Variants in CDK14 observed in about 807,000 individuals in gnomAD.
The protein encoded by CDK14 is cyclin dependent kinase 14.
CDK14 carries 34 observed loss-of-function variants against 60.7 expected under a neutral mutation model. That is an observed-to-expected ratio of 0.56 (90% CI 0.43 to 0.75). The LOEUF is 0.75. CDK14 is among the 30% of genes least tolerant of loss of function. The probability of loss-of-function intolerance (pLI) is 0.00; values close to 1 mark genes in which losing one functional copy is unlikely to be tolerated. For synonymous variants in CDK14, 197 were observed against 203.7 expected (o/e 0.97, Z 0.28); for missense variants, 482 against 564.1 (o/e 0.85, Z 1.47).
At chr7:90,624,567 AG>A (rs1157505667) in intron 2 of CDK14, among the ~76,000 whole-genome samples, 1 of 152,220 alleles carries the variant, frequency 6.6e-6, no homozygotes, top group Non-Finnish European at 1.5e-5. Context: ...TTTGGCTAAG[AG>A]GAAAGAGAGA....
chr7:91,012,463 A>G (rs921011487), intron 10 of CDK14, among the ~76,000 whole-genome samples: 1 of 152,168 alleles, frequency 6.6e-6, no homozygotes, highest in African/African-American at 2.4e-5. Flanking sequence ...TGCATATTAT[A>G]GTAGCCTTAG....
intron 3 of CDK14, among the ~76,000 whole-genome samples, chr7:90,745,088 TAAG>T (rs1261030730): frequency 3.3e-5 from 5 of 152,236 alleles, no homozygotes; most frequent in African/African-American, 1.2e-4. Context: ...TTTTAAAGGT[TAAG>T]AAACATCCTA....
intron 8 of CDK14, among the ~76,000 whole-genome samples, chr7:90,935,530 G>A (rs1162854823): frequency 6.6e-6 from 1 of 152,122 alleles, no homozygotes; most frequent in East Asian, 1.9e-4. Flanking sequence ...TATTAACAAA[G>A]AGAACTCTTG....
At chr7:90,903,837 G>T (rs7795001) in intron 7 of CDK14, among the ~76,000 whole-genome samples, 150,575 of 152,256 alleles carry the variant, frequency 0.99, 74,470 homozygotes, top group East Asian at 1. Flanking sequence ...TGTACAAATA[G>T]TATGTATTAA....
intron 14 of CDK14, among the ~76,000 whole-genome samples, chr7:91,174,701 G>T (rs1330762036): frequency 7.6e-6 from 1 of 131,592 alleles, no homozygotes; most frequent in East Asian, 2.1e-4. Context: ...GGAAGAAAGG[G>T]TATCAGCAAT....
chr7:90,828,570 A>C (rs975813899), intron 5 of CDK14, among the ~76,000 whole-genome samples: 1 of 151,920 alleles, frequency 6.6e-6, no homozygotes, highest in Non-Finnish European at 1.5e-5. Flanking sequence ...TTTGAAATCT[A>C]ATATTACCGA....
chr7:90,746,219 C>G (rs1803584312), intron 3 of CDK14, among the ~76,000 whole-genome samples: 1 of 152,160 alleles, frequency 6.6e-6, no homozygotes, highest in South Asian at 2.1e-4. Context: ...TATTGGCACT[C>G]TTTTTTGTTT....
In CDK14 at chr7:90,868,291, C is replaced by CTA. The variant is rs1441490069; in HGVS notation, c.639+5033_639+5034dup. ...TTACATATATATGTATATATACACA[C>CTA]TATATATATATACACACACACACAC... On this transcript the variant is annotated intron_variant, in intron 6 of 14. Transcript: ENST00000380050. Among the ~76,000 whole-genome samples the CTA allele has an allele frequency of 1.8e-3, 251 of 141,764 alleles. 1 individual carries two copies. The highest frequency in any genetic ancestry group is 5.4e-3 in the African/African-American group (212 of 39,336). 93.0% of individuals were successfully genotyped at this position (141,764 alleles called of 152,430 possible). A position where few individuals can be genotyped will look rare whatever the true frequency, so the allele number is the denominator to read the frequency against.
chr7:91,066,851 C>G (rs1457005121), intron 11 of CDK14, among the ~76,000 whole-genome samples: 1 of 152,208 alleles, frequency 6.6e-6, no homozygotes, highest in African/African-American at 2.4e-5. Flanking sequence ...CCTACCTGAT[C>G]TCCTGCTGTG....
chr7:90,618,023 T>C (rs1799689276), intron 2 of CDK14, among the ~76,000 whole-genome samples: 1 of 152,154 alleles, frequency 6.6e-6, no homozygotes, highest in South Asian at 2.1e-4. Flanking sequence ...GCAAGGCAAA[T>C]GGTTAGTATT....
chr7:90,906,163 TGAA>T (rs1562822475), intron 7 of CDK14, among the ~76,000 whole-genome samples: 1 of 152,160 alleles, frequency 6.6e-6, no homozygotes, highest in African/African-American at 2.4e-5. Flanking sequence ...AATATAAAAA[TGAA>T]GAACATAAAA....
chr7:91,150,525 C>T (rs1027966849), intron 14 of CDK14, among the ~76,000 whole-genome samples: 2 of 152,062 alleles, frequency 1.3e-5, no homozygotes, highest in Non-Finnish European at 2.9e-5. Flanking sequence ...TTCACACACA[C>T]CCAAACATAT....
At position 90,636,012 on chromosome 7, in the gene CDK14, T is replaced by C. The variant is rs547085402; in HGVS notation, c.123+31763T>C. ...ATCCTGAGACTTTGCTGAAGTTGCT[T>C]ATCAGCTTAAGGAGATTTTGGGCTG... On this transcript the variant is annotated intron_variant, in intron 2 of 14. Transcript: ENST00000380050. Among the ~76,000 whole-genome samples, 13 of 151,720 alleles carry C rather than the reference T, an allele frequency of 8.6e-5. No individual in the cohort carries two copies. The South Asian group carries it at 1.9e-3, about 22-fold the overall frequency.
At chr7:90,877,298 T>G (rs1791594590) in intron 6 of CDK14, among the ~76,000 whole-genome samples, 1 of 152,256 alleles carries the variant, frequency 6.6e-6, no homozygotes, top group Non-Finnish European at 1.5e-5. Flanking sequence ...TGAACTTCAG[T>G]GTTCTGAGTT....
intron 2 of CDK14, among the ~76,000 whole-genome samples, chr7:90,664,055 C>T (rs1800920678): frequency 6.6e-6 from 1 of 152,014 alleles, no homozygotes; most frequent in African/African-American, 2.4e-5. Context: ...TGACAAAGGG[C>T]TAATATCCAG....
At chr7:91,156,133 G>T (rs183674974) in intron 14 of CDK14, among the ~76,000 whole-genome samples, 1 of 152,106 alleles carries the variant, frequency 6.6e-6, no homozygotes, top group Non-Finnish European at 1.5e-5. Flanking sequence ...GGAATAGGCC[G>T]CCAGACCTCT....
intron 10 of CDK14, among the ~76,000 whole-genome samples, chr7:91,002,411 C>T (rs935618173): frequency 6.6e-6 from 1 of 151,840 alleles, no homozygotes; most frequent in Non-Finnish European, 1.5e-5. Flanking sequence ...AATGTATTAC[C>T]TCCATTAAAA....
chr7:90,699,616 T>G (rs1801740484), intron 2 of CDK14, among the ~76,000 whole-genome samples: 1 of 152,226 alleles, frequency 6.6e-6, no homozygotes, highest in African/African-American at 2.4e-5. Flanking sequence ...TCTGTGATGT[T>G]TTCTCTTTCC....
rs1317266454 is a variant in CDK14, at chr7:90,892,026, A to G, written c.640-7265A>G. Among the ~76,000 whole-genome samples, 3 of 152,228 alleles carry G rather than the reference A, an allele frequency of 2.0e-5. No homozygotes were observed. The East Asian group carries it at 5.8e-4, about 29-fold the overall frequency. On this transcript the variant is annotated intron_variant, in intron 6 of 14. Coordinates refer to ENST00000380050, the MANE Select transcript of CDK14 (RefSeq NM_001287135.2). ...AAGAGAAACATAAGCACTTACTGAA[A>G]GAGGAAGCCTATTAACAGTTCTCCT...
Sources: gnomAD v4.1 joint callset for allele counts (sites outside exome capture counted in the v4.1 genomes callset) on GRCh38, gnomAD v4.1.1 for gene constraint, MANE v1.5 for transcripts, NCBI Gene and HGNC (gene_info 2026-07-23, HGNC 2026-07-21) for gene names.